Variants in SHANK1 observed in about 807,000 individuals in gnomAD.
SHANK1 encodes SH3 and multiple ankyrin repeat domains protein 1.
SHANK1 carries 35 observed loss-of-function variants against 165.6 expected under a neutral mutation model. The observed-to-expected ratio is 0.21, with a 90% CI of 0.16 to 0.28. The LOEUF (loss-of-function observed/expected upper bound fraction) is 0.28. SHANK1 is among the 10% of genes least tolerant of loss of function. The pLI, the probability that SHANK1 is intolerant of heterozygous loss-of-function variation, is 1.00. For missense variants in SHANK1, 2,681 were observed against 3,036.4 expected (o/e 0.88, Z 2.75); for synonymous variants, 1,428 against 1,384.8 (o/e 1.03, Z -0.69).
In SHANK1 at chr19:50,686,886, T is replaced by C; in HGVS notation, c.2390-74A>G. On this transcript the variant is annotated intron_variant, in intron 19 of 23. Transcript: ENST00000293441. The surrounding 1 kb of genome is among the most constrained non-coding windows in gnomAD (Gnocchi z 5.7). The stretch of plus-strand genomic sequence containing the variant: ...GCGGAGCGGGCTCGGCCTGTGGGCG[T>C]GGCCAGCAGGTGCGGGCCAGTGGGC... 1 of 1,557,746 alleles carries C rather than the reference T, an allele frequency of 6.4e-7. No individual in the cohort carries two copies. Among genetic ancestry groups the C allele is most frequent in the Non-Finnish European group, 8.7e-7 (1 of 1,144,078 alleles).
At chr19:50,704,732 C>T (rs1351219628) in intron 8 of SHANK1, among the ~76,000 whole-genome samples, 1 of 152,190 alleles carries the variant, frequency 6.6e-6, no homozygotes, top group Non-Finnish European at 1.5e-5. Flanking sequence ...GCGAACTACA[C>T]ACTGGATTTC....
intron 18 of SHANK1, 64 bp downstream of exon 18, chr19:50,687,859 T>TG: frequency 6.2e-7 from 1 of 1,602,758 alleles, no homozygotes. Flanking sequence ...CAACCAGCCC[T>TG]GGGGCTCCCG....
At position 50,668,324 on chromosome 19, in the gene SHANK1, C is replaced by A; in HGVS notation, c.3636G>T (p.Ser1212=). 7.9e-7 allele frequency: 1 copy of A among 1,259,674 alleles called. No homozygotes were observed. The allele number at this position is 1,259,674 out of a possible 1,614,324, so 78.0% of individuals were successfully genotyped here. The change falls in exon 23 of 24, where the codon TCG becomes TCT. Residue 1212 remains serine, a synonymous_variant. Transcript: ENST00000293441. ...TGGGCGAGGCGGGGGTGGGCACGGG[C>A]GAGGGGGACGGGGGCACGGGTGACA... ...PAMSPVPPSP[S]PVPTPASPSG...
intron 12 of SHANK1, among the ~76,000 whole-genome samples, chr19:50,699,004 A>G (rs573468721): frequency 6.6e-6 from 1 of 152,238 alleles, no homozygotes; most frequent in Non-Finnish European, 1.5e-5. Flanking sequence ...AAGAAGCTGA[A>G]GCGAATGTGG....
chr19:50,696,984 G>A (rs962914238), intron 15 of SHANK1, 112 bp downstream of exon 15: 23 of 886,800 alleles, frequency 2.6e-5, no homozygotes, highest in Admixed American at 8.9e-5. Flanking sequence ...AGAGACACAC[G>A]TTCACACACC....
At chr19:50,677,791 G>A (rs1385297758) in intron 21 of SHANK1, among the ~76,000 whole-genome samples, 1 of 152,144 alleles carries the variant, frequency 6.6e-6, no homozygotes, top group Non-Finnish European at 1.5e-5. Context: ...AGGAGGTGTC[G>A]CCTGAAGGCA....
rs143486469 is a variant in SHANK1 at position 50,686,280 on chromosome 19, G to A, written c.2534C>T (p.Ala845Val). ...TTTGGGTCGGTGTTTGCCCAGGGAC[G>A]CGAGGCCACCGGGACCAGGGCTTTC... ...ASESPGPGGL[A>V]SLGKHRPKGF... is the part of the protein sequence containing the mutation. Residue 845 changes from alanine to valine, a missense_variant, in exon 21 of 24, where the codon GCG becomes GTG. Around this residue, in one of 10 missense-constraint regions of SHANK1, gnomAD observed 206 missense variants for 216.0 expected, o/e 0.95. Coordinates refer to ENST00000293441, the MANE Select transcript of SHANK1 (RefSeq NM_016148.5). This position sits in a 1 kb window ranked among gnomAD's most constrained non-coding sequence, Gnocchi z 5.7. 5 of 1,606,778 alleles carry A rather than the reference G, an allele frequency of 3.1e-6. No individual in the cohort carries two copies. Among genetic ancestry groups the A allele is most frequent in the South Asian group, 1.1e-5 (1 of 89,984 alleles).
chr19:50,716,718 C>A lies in SHANK1; in HGVS notation c.202G>T (p.Ala68Ser). The A allele has an allele frequency of 1.9e-6, 3 of 1,602,242 alleles. No homozygotes were observed. Among genetic ancestry groups the A allele is most frequent in the South Asian group, 1.1e-5 (1 of 89,652 alleles). The change falls in exon 2 of 24, where the codon GCC becomes TCC. Residue 68 changes from alanine (A) to serine (S), a missense_variant. This residue lies in a region of SHANK1 where 118 missense variants were observed against 106.9 expected (regional missense o/e 1.10). Transcript: ENST00000293441. The surrounding 1 kb of genome is among the most constrained non-coding windows in gnomAD (Gnocchi z 8.4). Reference protein sequence around the residue: ...QGRSMSVPDDAHFSMMVFRIG... With the variant: ...QGRSMSVPDDSHFSMMVFRIG... ...CTGAAGACCATCATGCTGAAGTGGGCGTCGTCTGGGACGGACATTGAGCGG... is the reference window on the plus strand; with the variant it reads ...CTGAAGACCATCATGCTGAAGTGGGAGTCGTCTGGGACGGACATTGAGCGG...
intron 15 of SHANK1, among the ~76,000 whole-genome samples, chr19:50,692,474 C>T (rs113779231): frequency 0.024 from 2,974 of 124,290 alleles, 69 homozygotes; most frequent in African/African-American, 0.044. Context: ...TATATATATA[C>T]ACACACACAC....
intron 21 of SHANK1, among the ~76,000 whole-genome samples, chr19:50,672,672 C>T (rs919855282): frequency 2.0e-5 from 3 of 151,760 alleles, no homozygotes; most frequent in African/African-American, 4.8e-5. Flanking sequence ...GATTTTCCAT[C>T]GACTCTTGAT....
rs1161667403 is a variant in SHANK1 at position 50,699,627 on chromosome 19, A to G, written c.1748-1671T>C. Among the ~76,000 whole-genome samples the G allele has an allele frequency of 2.6e-5, 4 of 151,986 alleles. No homozygotes were observed. The East Asian group carries it at 7.8e-4, about 29-fold the overall frequency. On this transcript the variant is annotated intron_variant, in intron 12 of 23. Coordinates refer to ENST00000293441, the MANE Select transcript of SHANK1 (RefSeq NM_016148.5). ...AAAGCTTGGGACATTGGAGGAATGG[A>G]GGGGTTGGTATATCGGAGGACTGGA...
chr19:50,716,267 A>G lies in SHANK1; in HGVS notation c.459+8T>C, dbSNP rs1245237748. ...CTCTTATCAGTGAAGGAGTTGGGGA[A>G]GCTTCACCTCCAGGTAGGGGACCCC... On this transcript the variant is annotated splice_region_variant and intron_variant, in intron 3 of 23. Transcript: ENST00000293441. The surrounding 1 kb of genome is among the most constrained non-coding windows in gnomAD (Gnocchi z 8.4). The G allele has an allele frequency of 6.2e-7, 1 of 1,612,380 alleles. No individual in the cohort carries two copies. The highest frequency in any genetic ancestry group is 8.5e-7 in the Non-Finnish European group (1 of 1,178,714).
At chr19:50,692,720 C>G (rs1261754176) in intron 15 of SHANK1, among the ~76,000 whole-genome samples, 2 of 151,620 alleles carry the variant, frequency 1.3e-5, no homozygotes, top group Non-Finnish European at 2.9e-5. Context: ...TCTAAACTCC[C>G]TCTCCCCAAC....
At position 50,686,871 on chromosome 19, in the gene SHANK1, C is replaced by A; in HGVS notation, c.2390-59G>T. ...GCCCCCGGGGGCGGGGCGGAGCGGG[C>A]TCGGCCTGTGGGCGTGGCCAGCAGG... On this transcript the variant is annotated intron_variant, in intron 19 of 23. Transcript: ENST00000293441. The surrounding 1 kb of genome is among the most constrained non-coding windows in gnomAD (Gnocchi z 5.7). 2 of 1,600,568 alleles carry A rather than the reference C, an allele frequency of 1.2e-6. No homozygotes were observed. The highest frequency in any genetic ancestry group is 1.7e-6 in the Non-Finnish European group (2 of 1,170,866).
chr19:50,706,262 C>A (rs1019823231), intron 8 of SHANK1, among the ~76,000 whole-genome samples: 3 of 152,146 alleles, frequency 2.0e-5, no homozygotes, highest in African/African-American at 7.2e-5. Context: ...CTATCTTAAT[C>A]ACACTTTCTG....
rs772036089 is a variant in SHANK1 at position 50,715,716 on chromosome 19, G to A, written c.474C>T (p.Thr158=). 6.2e-7 allele frequency: 1 copy of A among 1,614,080 alleles called. No homozygotes were observed. Among genetic ancestry groups the A allele is most frequent in the Non-Finnish European group, 8.5e-7 (1 of 1,179,984 alleles). ...CCAGGTTGGTCTGTTTGTAAACTCG[G>A]GTCTTGTATCGGAACTGAGGTCAAG... ...GVPYLEFRYK[T]RVYKQTNLDE... The change falls in exon 4 of 24, where the codon ACC becomes ACT. Residue 158 remains threonine, a synonymous_variant. Coordinates refer to ENST00000293441, the MANE Select transcript of SHANK1 (RefSeq NM_016148.5).
rs1353084918 is a variant in SHANK1 at position 50,668,960 on chromosome 19, C to T, written c.3000G>A (p.Pro1000=). 2 of 177,272 alleles carry T rather than the reference C, an allele frequency of 1.1e-5. No homozygotes were observed. The highest frequency in any genetic ancestry group is 3.5e-5 in the South Asian group (1 of 28,868). 11.0% of individuals were successfully genotyped at this position (177,272 alleles called of 1,614,324 possible). The change falls in exon 23 of 24, where the codon CCG becomes CCA. Residue 1000 remains proline (P), a synonymous_variant. Transcript: ENST00000293441. ...SGPLPPAHHH[P]PHHHHHHAPP... is the part of the protein sequence containing the mutation. ...GGGCGTGGTGGTGGTGGTGGTGGGG[C>T]GGGTGGTGGTGGGCCGGGGGCAGGG...
chr19:50,666,224 G>A lies in SHANK1; in HGVS notation c.5736C>T (p.Val1912=). The change falls in exon 23 of 24, where the codon GTC becomes GTT. Residue 1912 remains valine (V), a synonymous_variant. Coordinates refer to ENST00000293441, the MANE Select transcript of SHANK1 (RefSeq NM_016148.5). ...GDSHHGGASY[V]PERTSSLQRQ... is the part of the protein sequence containing the mutation. ...GCTGCAGGGAGGAGGTCCTCTCGGGGACATAGCTGGCTCCCCCGTGGTGGC... is the reference window on the plus strand; with the variant it reads ...GCTGCAGGGAGGAGGTCCTCTCGGGAACATAGCTGGCTCCCCCGTGGTGGC... The A allele has an allele frequency of 1.2e-6, 2 of 1,606,842 alleles. No homozygotes were observed. Among genetic ancestry groups the A allele is most frequent in the East Asian group, 2.2e-5 (1 of 44,680 alleles).
chr19:50,673,685 G>C (rs1474261770), intron 21 of SHANK1, among the ~76,000 whole-genome samples: 1 of 152,064 alleles, frequency 6.6e-6, no homozygotes, highest in Non-Finnish European at 1.5e-5. Flanking sequence ...ACAGTGTCTA[G>C]GGCCCATGAT....
Sources: allele counts gnomAD v4.1 joint callset (sites outside exome capture counted in the v4.1 genomes callset), GRCh38; gene constraint gnomAD v4.1.1; regional missense constraint gnomAD v4.1.1; non-coding constraint Gnocchi (gnomAD v3.1); transcripts MANE v1.5; gene names NCBI Gene and HGNC (gene_info 2026-07-23, HGNC 2026-07-21).